Variants in ADK observed in about 807,000 individuals in gnomAD.
ADK encodes the protein N6,N6-dimethyladenosine kinase.
ADK carries 24 observed loss-of-function variants against 44.7 expected under a neutral mutation model. The observed-to-expected ratio is 0.54, with a 90% CI of 0.39 to 0.76. ADK has a LOEUF of 0.76. Among genes scored for constraint, ADK ranks in the 30% least tolerant of loss-of-function variants. The probability of loss-of-function intolerance (pLI) is 0.00; values close to 1 mark genes in which losing one functional copy is unlikely to be tolerated. For synonymous variants in ADK, 128 were observed against 142.6 expected, an observed-to-expected ratio of 0.90 and a Z score of 0.73; for missense variants, 321 against 425.1, an observed-to-expected ratio of 0.76 and a Z score of 2.15.
intron 7 of ADK, among the ~76,000 whole-genome samples, chr10:74,559,894 A>C (rs1206523460): frequency 5.3e-5 from 8 of 150,896 alleles, no homozygotes; most frequent in Non-Finnish European, 1.0e-4. Context: ...TTTGGGAAAT[A>C]AATCCTTACT....
In ADK at chr10:74,352,410, A is replaced by G. The variant is rs975958967; in HGVS notation, c.273+37665A>G. ...AACCTGGATCACTGCCTTACACATT[A>G]TACAAAAAGTAACCAAGATGGATTA... On this transcript the variant is annotated intron_variant, in intron 4 of 10. Coordinates refer to ENST00000539909, the MANE Select transcript of ADK (RefSeq NM_006721.4). 2.2e-4 allele frequency among the ~76,000 whole-genome samples: 34 copies of G among 152,240 alleles called. 1 individual carries two copies. The highest frequency in any genetic ancestry group is 1.2e-3 in the Admixed American group (18 of 15,290).
intron 1 of ADK, among the ~76,000 whole-genome samples, chr10:74,197,314 A>C (rs896499307): frequency 1.3e-5 from 2 of 152,162 alleles, no homozygotes; most frequent in African/African-American, 2.4e-5. Flanking sequence ...ACTGAATTGT[A>C]ATATTATTTG....
At chr10:74,695,904 T>G (rs1449425699) in intron 10 of ADK, among the ~76,000 whole-genome samples, 1 of 152,128 alleles carries the variant, frequency 6.6e-6, no homozygotes, top group Non-Finnish European at 1.5e-5. Context: ...CCTCCCAAAG[T>G]GCTGGAATTA....
chr10:74,208,519 C>T (rs961435894), intron 2 of ADK, among the ~76,000 whole-genome samples: 1 of 152,166 alleles, frequency 6.6e-6, no homozygotes, highest in Non-Finnish European at 1.5e-5. Flanking sequence ...TAATCTTTAA[C>T]TTTGATTTTC....
At position 74,391,721 on chromosome 10, in the gene ADK, A is replaced by G. The variant is rs12243374; in HGVS notation, c.274-2420A>G. ...CATTCTCTTTTATGTAATAAAAACC[A>G]TAACATTAACTCTACCATCTTAACC... On this transcript the variant is annotated intron_variant, in intron 4 of 10. Coordinates refer to ENST00000539909, the MANE Select transcript of ADK (RefSeq NM_006721.4). 5.1e-3 allele frequency among the ~76,000 whole-genome samples: 768 copies of G among 151,512 alleles called. 9 individuals are homozygous for G. Among genetic ancestry groups the G allele is most frequent in the African/African-American group, 0.018 (739 of 41,094 alleles).
intron 7 of ADK, among the ~76,000 whole-genome samples, chr10:74,547,106 TAAG>T (rs1214931513): frequency 1.3e-5 from 2 of 152,172 alleles, no homozygotes; most frequent in Non-Finnish European, 2.9e-5. Flanking sequence ...GAAAGAATTA[TAAG>T]AAGAGTACAG....
chr10:74,601,687 A>G (rs1488475337), intron 9 of ADK, among the ~76,000 whole-genome samples: 1 of 152,164 alleles, frequency 6.6e-6, no homozygotes, highest in East Asian at 1.9e-4. Flanking sequence ...ACTTTAAAAA[A>G]AGAAAGAAAA....
At position 74,242,232 on chromosome 10, in the gene ADK, C is replaced by T. The variant is rs78042277; in HGVS notation, c.194+17641C>T. 2.7e-4 allele frequency among the ~76,000 whole-genome samples: 41 copies of T among 152,210 alleles called. 1 individual carries two copies. In the East Asian group the frequency reaches 7.9e-3, roughly 29 times the overall value. ...TTGTACAAGTTGAGATGTTTAATTC[C>T]TTTACTTTAAGAAAAAGCATCATAA... On this transcript the variant is annotated intron_variant, in intron 3 of 10. Transcript: ENST00000539909.
intron 10 of ADK, 23 bp from the exon 11 acceptor site, chr10:74,708,298 G>GTTT: frequency 6.3e-7 from 1 of 1,584,558 alleles, no homozygotes; most frequent in Non-Finnish European, 8.6e-7. Context: ...ATACTCATGT[G>GTTT]TTTTTTTTTG....
chr10:74,299,457 G>A (rs1213460202), intron 3 of ADK, among the ~76,000 whole-genome samples: 9 of 144,848 alleles, frequency 6.2e-5, no homozygotes, highest in Non-Finnish European at 1.3e-4. Context: ...CTGAGATGAT[G>A]CCATTGCACT....
chr10:74,574,992 A>G (rs1446728802), intron 7 of ADK, among the ~76,000 whole-genome samples: 1 of 152,222 alleles, frequency 6.6e-6, no homozygotes, highest in Non-Finnish European at 1.5e-5. Context: ...TGGGGGGGAA[A>G]CAGAGTACAA....
chr10:74,158,606 G>C (rs1218833179), intron 1 of ADK, among the ~76,000 whole-genome samples: 4 of 152,136 alleles, frequency 2.6e-5, no homozygotes, highest in Non-Finnish European at 4.4e-5. Context: ...AAAATATATA[G>C]TGCAGTGTTA....
intron 6 of ADK, among the ~76,000 whole-genome samples, chr10:74,475,282 G>A (rs1413046158): frequency 6.6e-6 from 1 of 152,142 alleles, no homozygotes; most frequent in Non-Finnish European, 1.5e-5. Flanking sequence ...ACTATTGAGA[G>A]CTTTGTCACA....
At chr10:74,202,146 G>A (rs1373890178) in intron 2 of ADK, among the ~76,000 whole-genome samples, 1 of 151,982 alleles carries the variant, frequency 6.6e-6, no homozygotes, top group Non-Finnish European at 1.5e-5. Flanking sequence ...GTTTTTCTAT[G>A]AATTTGTCTA....
chr10:74,558,164 T>C (rs1292183756), intron 7 of ADK, among the ~76,000 whole-genome samples: 1 of 152,214 alleles, frequency 6.6e-6, no homozygotes, highest in Non-Finnish European at 1.5e-5. Flanking sequence ...CAAAGGTCTA[T>C]GTGACAGCAG....
At chr10:74,202,715 T>C (rs994646509) in intron 2 of ADK, among the ~76,000 whole-genome samples, 1 of 152,256 alleles carries the variant, frequency 6.6e-6, no homozygotes, top group Non-Finnish European at 1.5e-5. Flanking sequence ...TTGAAAACTT[T>C]TGATGTTAGC....
chr10:74,687,606 C>G (rs1333598906), intron 10 of ADK, among the ~76,000 whole-genome samples: 1 of 152,154 alleles, frequency 6.6e-6, no homozygotes, highest in African/African-American at 2.4e-5. Context: ...CTACCTTCTT[C>G]CCATATTTAT....
In ADK at chr10:74,243,530, G is replaced by A. The variant is rs79924347; in HGVS notation, c.194+18939G>A. 5.3e-5 allele frequency among the ~76,000 whole-genome samples: 8 copies of A among 152,052 alleles called. 1 individual carries two copies. The highest frequency in any genetic ancestry group is 4.1e-4 in the South Asian group (2 of 4,826). Reference sequence around the variant, plus strand: ...TAATTTATATTTTGACCATTATTCAGCACACTGTTAGTACTCAGGACTAAT... The same window carrying A: ...TAATTTATATTTTGACCATTATTCAACACACTGTTAGTACTCAGGACTAAT... On this transcript the variant is annotated intron_variant, in intron 3 of 10. Coordinates refer to ENST00000539909, the MANE Select transcript of ADK (RefSeq NM_006721.4).
intron 1 of ADK, among the ~76,000 whole-genome samples, chr10:74,186,329 G>C (rs916804623): frequency 1.3e-5 from 2 of 151,250 alleles, no homozygotes; most frequent in African/African-American, 4.9e-5. Context: ...GCCCGGGCTT[G>C]AGTGCAATGG....
Sources: allele counts gnomAD v4.1 joint callset (sites outside exome capture counted in the v4.1 genomes callset), GRCh38; gene constraint gnomAD v4.1.1; transcripts MANE v1.5; gene names NCBI Gene and HGNC (gene_info 2026-07-23, HGNC 2026-07-21).